The following PRELID2 variants were observed in gnomAD, a reference collection of about 807,000 sequenced individuals.
The protein encoded by PRELID2 is PRELI domain containing 2.
In PRELID2, 25 loss-of-function variants were observed where a neutral mutation model predicts 28.4. The ratio of observed to expected loss-of-function variants is 0.88; its 90% confidence interval spans 0.64 to 1.23. The LOEUF (loss-of-function observed/expected upper bound fraction) is 1.23, where lower values mean the gene tolerates loss of function less well. PRELID2 is among the 50% of genes most tolerant of loss of function. The probability of loss-of-function intolerance (pLI) is 0.00; values close to 1 mark genes in which losing one functional copy is unlikely to be tolerated. For synonymous variants in PRELID2, 76 were observed against 71.6 expected (o/e 1.06, Z -0.31); for missense variants, 201 against 214.4 (o/e 0.94, Z 0.39).
At chr5:145,254,723 G>T in the PRELID2 span, among the ~76,000 whole-genome samples, 1 of 151,960 alleles carries the variant, frequency 6.6e-6, no homozygotes, top group Non-Finnish European at 1.5e-5. Context: ...TAGAGAAAGA[G>T]AATTTCAAAA....
chr5:145,365,800 T>C, the PRELID2 span, among the ~76,000 whole-genome samples: 1 of 151,916 alleles, frequency 6.6e-6, no homozygotes, highest in African/African-American at 2.4e-5. Flanking sequence ...TTTCAGAATC[T>C]TTCTAGGGTT....
intron 1 of PRELID2, among the ~76,000 whole-genome samples, chr5:145,650,831 C>T (rs537065985): frequency 2.2e-4 from 34 of 152,002 alleles, no homozygotes; most frequent in African/African-American, 7.7e-4. Context: ...CCAGTGTGAG[C>T]GATGCAGAAG....
chr5:145,427,408 T>TA, the PRELID2 span, among the ~76,000 whole-genome samples: 2 of 152,214 alleles, frequency 1.3e-5, no homozygotes, highest in African/African-American at 2.4e-5. Context: ...CCAGCCTTAA[T>TA]ATTTTTTTTA....
rs1343075096 is a variant in PRELID2 at position 145,583,644 on chromosome 5, C to T, written n.71-110329G>A. On this transcript the variant is annotated intron_variant and non_coding_transcript_variant, in intron 1 of 2. Transcript: ENST00000510259. ...AATCGCTAGCATTCCTATACACTAG[C>T]AACAGGCAAGCAGAGAGCCAAATTA... Among the ~76,000 whole-genome samples the T allele has an allele frequency of 3.3e-5, 5 of 151,962 alleles. No individual in the cohort carries two copies. In the East Asian group the frequency reaches 7.8e-4, roughly 24 times the overall value.
At chr5:145,378,654 C>T in the PRELID2 span, among the ~76,000 whole-genome samples, 62 of 152,218 alleles carry the variant, frequency 4.1e-4, no homozygotes. Context: ...ACATTATTTT[C>T]TATACTGGCT....
At chr5:145,472,702 T>C (rs1752065368) in intron 2 of PRELID2, among the ~76,000 whole-genome samples, 1 of 152,124 alleles carries the variant, frequency 6.6e-6, no homozygotes, top group Non-Finnish European at 1.5e-5. Context: ...CTAGACTCAG[T>C]TTCCTCAGTG....
intron 1 of PRELID2, among the ~76,000 whole-genome samples, chr5:145,564,380 TG>T: frequency 6.6e-6 from 1 of 152,314 alleles, no homozygotes; most frequent in East Asian, 1.9e-4. Flanking sequence ...CCAGCCACTC[TG>T]GTTTTCTTTC....
the PRELID2 span, among the ~76,000 whole-genome samples, chr5:145,325,672 C>T: frequency 6.6e-6 from 1 of 152,092 alleles, no homozygotes; most frequent in Non-Finnish European, 1.5e-5. Context: ...TAAAATGAAC[C>T]AAAACTCAAA....
the PRELID2 span, among the ~76,000 whole-genome samples, chr5:145,415,534 G>T: frequency 6.8e-6 from 1 of 147,580 alleles, no homozygotes; most frequent in African/African-American, 2.5e-5. Flanking sequence ...TGCAGTGTTT[G>T]GTTTTTTGTC....
chr5:145,348,126 A>G, the PRELID2 span, among the ~76,000 whole-genome samples: 1 of 152,210 alleles, frequency 6.6e-6, no homozygotes, highest in African/African-American at 2.4e-5. Context: ...AGTTAAAGAC[A>G]TCAGAAAAGT....
chr5:145,421,173 A>G, the PRELID2 span, among the ~76,000 whole-genome samples: 1 of 151,494 alleles, frequency 6.6e-6, no homozygotes, highest in South Asian at 2.1e-4. Flanking sequence ...ATGTTCATCA[A>G]GGATATTGGT....
chr5:145,786,670 C>A (rs1752013087), intron 5 of PRELID2, among the ~76,000 whole-genome samples: 1 of 152,190 alleles, frequency 6.6e-6, no homozygotes, highest in Admixed American at 6.5e-5. Flanking sequence ...TTGTTTCAAG[C>A]TGCAAAGTTG....
At chr5:145,282,377 C>T in the PRELID2 span, among the ~76,000 whole-genome samples, 3 of 152,110 alleles carry the variant, frequency 2.0e-5, no homozygotes, top group South Asian at 6.2e-4. Flanking sequence ...ATACAATAAT[C>T]TCCTGTGCTT....
chr5:145,527,305 T>C (rs950833195), intron 1 of PRELID2, among the ~76,000 whole-genome samples: 4 of 152,184 alleles, frequency 2.6e-5, no homozygotes, highest in African/African-American at 7.2e-5. Context: ...CATATAAAAC[T>C]TATGAAATTT....
chr5:145,820,172 G>T (rs1311198382), intron 2 of PRELID2, among the ~76,000 whole-genome samples, 154 bp from the exon 3 acceptor site: 1 of 150,720 alleles, frequency 6.6e-6, no homozygotes, highest in Admixed American at 6.6e-5. Context: ...CACGGTCTCG[G>T]CTCACTGCAA....
intron 1 of PRELID2, among the ~76,000 whole-genome samples, chr5:145,833,243 G>A (rs767978731): frequency 6.6e-6 from 1 of 152,136 alleles, no homozygotes; most frequent in Non-Finnish European, 1.5e-5. Context: ...AGAGTCTAAC[G>A]GGAAACACAA....
At chr5:145,353,157 G>T in the PRELID2 span, among the ~76,000 whole-genome samples, 1 of 152,206 alleles carries the variant, frequency 6.6e-6, no homozygotes, top group African/African-American at 2.4e-5. Context: ...TTCTCATGCT[G>T]CTATAAAGAA....
chr5:145,424,814 A>C, the PRELID2 span, among the ~76,000 whole-genome samples: 2 of 152,214 alleles, frequency 1.3e-5, no homozygotes, highest in African/African-American at 4.8e-5. Context: ...AACTATAAAA[A>C]CCCTAGAAGA....
chr5:145,360,902 A>G, the PRELID2 span, among the ~76,000 whole-genome samples: 1 of 152,162 alleles, frequency 6.6e-6, no homozygotes, highest in Non-Finnish European at 1.5e-5. Flanking sequence ...TGCATATATA[A>G]TACTTATGTC....
Sources: allele counts gnomAD v4.1 joint callset (sites outside exome capture counted in the v4.1 genomes callset), GRCh38; gene constraint gnomAD v4.1.1; transcripts MANE v1.5; gene names NCBI Gene and HGNC (gene_info 2026-07-23, HGNC 2026-07-21).